ARHGAP30: variants seen among roughly 807,000 people sequenced by gnomAD.
ARHGAP30 encodes rho GTPase-activating protein 30.
Under a neutral mutation model 72.0 loss-of-function variants are expected in ARHGAP30, and 23 were observed. The observed-to-expected ratio is 0.32, with a 90% CI of 0.23 to 0.45. The LOEUF is 0.45. Ranked by LOEUF, ARHGAP30 falls within the 20% of genes least tolerant of loss-of-function variation. ARHGAP30 has a pLI of 1.00. For synonymous variants in ARHGAP30, 576 were observed against 528.2 expected (o/e 1.09, Z -1.24); for missense variants, 1,319 against 1,383.4 (o/e 0.95, Z 0.74).
intron 3 of ARHGAP30, 21 bp downstream of exon 3, chr1:161,056,367 C>T (rs778934434): frequency 2.4e-5 from 38 of 1,611,480 alleles, no homozygotes; most frequent in Non-Finnish European, 3.1e-5. Context: ...CTGTCTTCCA[C>T]CCCTCGGCCT....
chr1:161,052,038 ACCACCACCACC>A (rs1557921056), intron 9 of ARHGAP30, among the ~76,000 whole-genome samples: 3 of 50,324 alleles, frequency 6.0e-5, no homozygotes, highest in African/African-American at 2.2e-4. Context: ...CACCACCACC[ACCACCACCACC>A]ACCACCACCA....
chr1:161,054,335 A>T (rs1651670434), intron 5 of ARHGAP30, 31 bp downstream of exon 5: 6 of 1,592,632 alleles, frequency 3.8e-6, no homozygotes, highest in Non-Finnish European at 5.2e-6. Context: ...GTCTCACAGG[A>T]TCCCCATACA....
Position 161,048,556 on chromosome 1 carries a change from C to T in ARHGAP30, c.2465G>A (p.Ser822Asn). ...KDQGDGEDSR[S>N]PEAATEGGAG... ...TCCTCCTTCAGTTGCTGCTTCTGGG[C>T]TTCTGCTGTCTTCACCATCTCCTTG... The change falls in exon 12 of 12, where the codon AGC becomes AAC. Residue 822 changes from serine (S) to asparagine (N), a missense_variant. Physicochemically the swap from Ser to Asn is conservative, Grantham distance 46. Around this residue, in one of 2 missense-constraint regions of ARHGAP30, gnomAD observed 1,097 missense variants for 1,045.2 expected, o/e 1.05. Transcript: ENST00000368013. 6.2e-7 allele frequency: 1 copy of T among 1,614,108 alleles called. No homozygotes were observed. The highest frequency in any genetic ancestry group is 8.5e-7 in the Non-Finnish European group (1 of 1,180,016).
intron 5 of ARHGAP30, among the ~76,000 whole-genome samples, chr1:161,054,130 T>G (rs542228197): frequency 4.6e-5 from 7 of 152,158 alleles, no homozygotes; most frequent in African/African-American, 1.7e-4. Context: ...AGTGACACAC[T>G]GTAGGAAAAC....
rs775003336 is a variant in ARHGAP30 at position 161,069,553 on chromosome 1, C to A, written c.72G>T (p.Glu24Asp). 1.2e-6 allele frequency: 2 copies of A among 1,611,194 alleles called. No homozygotes were observed. Among genetic ancestry groups the A allele is most frequent in the South Asian group, 1.1e-5 (1 of 91,090 alleles). The change falls in exon 1 of 12, where the codon GAG becomes GAT. Residue 24 changes from glutamate (E) to aspartate (D), a missense_variant. Physicochemically the swap from Glu to Asp is conservative, Grantham distance 45 (BLOSUM62 2). This residue lies in a region of ARHGAP30 where 222 missense variants were observed against 338.2 expected (regional missense o/e 0.66). Transcript: ENST00000368013. The surrounding 1 kb of genome is among the most constrained non-coding windows in gnomAD (Gnocchi z 4.9). The stretch of plus-strand genomic sequence containing the variant: ...CCTCCTGGCCTGAGTGCTGCAGGTG[C>A]TCCTGCAAGTCGCACCCAAAAACCC... ...KERVFGCDLQ[E>D]HLQHSGQEVP...
chr1:161,057,737 G>A (rs986131828), intron 2 of ARHGAP30, among the ~76,000 whole-genome samples: 4 of 152,086 alleles, frequency 2.6e-5, no homozygotes, highest in African/African-American at 7.2e-5. Flanking sequence ...AAGGTAGGCC[G>A]GGCGCAGTGG....
At chr1:161,055,955 A>T (rs6427574) in intron 3 of ARHGAP30, among the ~76,000 whole-genome samples, 15,949 of 130,950 alleles carry the variant, frequency 0.12, 2,055 homozygotes, top group African/African-American at 0.32. Flanking sequence ...ATAAAATAAA[A>T]TACCAAAGAT....
chr1:161,053,195 G>T, intron 6 of ARHGAP30, 63 bp downstream of exon 6: 2 of 1,597,936 alleles, frequency 1.3e-6, no homozygotes, highest in Non-Finnish European at 1.7e-6. Context: ...GATCTTCAAG[G>T]CTCTCTGTAA....
chr1:161,053,496 C>CTCTCTG, intron 5 of ARHGAP30, 111 bp from the exon 6 acceptor site: 1 of 927,758 alleles, frequency 1.1e-6, no homozygotes, highest in East Asian at 6.7e-5. Context: ...CTCTCTCTCT[C>CTCTCTG]TCTCTCTCTC....
At chr1:161,067,303 T>G (rs545206999) in intron 1 of ARHGAP30, among the ~76,000 whole-genome samples, 2 of 152,256 alleles carry the variant, frequency 1.3e-5, no homozygotes, top group East Asian at 1.9e-4. Flanking sequence ...CCAGGTGCGG[T>G]GGCTCACGCC....
chr1:161,064,833 GAAAGAAAGA>G (rs1652627183), intron 1 of ARHGAP30, among the ~76,000 whole-genome samples: 1 of 66,916 alleles, frequency 1.5e-5, no homozygotes, highest in East Asian at 3.6e-4. Context: ...GAAAGAAAGA[GAAAGAAAGA>G]AAGAAAGGAA....
Position 161,049,662 on chromosome 1 carries a change from G to A in ARHGAP30, c.1448C>T (p.Ser483Leu), listed in dbSNP as rs748882098. The change falls in exon 11 of 12, where the codon TCA (serine) becomes TTA (leucine). Residue 483 changes from serine to leucine, a missense_variant. Ser to Leu is a moderately radical substitution (Grantham distance 145). This residue lies in a region of ARHGAP30 where 1,097 missense variants were observed against 1,045.2 expected (regional missense o/e 1.05). Transcript: ENST00000368013. ...PDEKLEASPA[S>L]SPLADSGPDD... is the part of the protein sequence containing the mutation. ...TGGGCCTGAGTCTGCCAGGGGACTT[G>A]AGGCTGGACTTGCTTCCAACTTTTC... is the stretch of plus-strand genomic sequence containing the variant. The A allele has an allele frequency of 6.2e-7, 1 of 1,613,794 alleles. No individual in the cohort carries two copies. Among genetic ancestry groups the A allele is most frequent in the East Asian group, 2.2e-5 (1 of 44,882 alleles).
intron 9 of ARHGAP30, 130 bp downstream of exon 9, chr1:161,052,156 G>A: frequency 1.1e-6 from 1 of 938,154 alleles, no homozygotes. Context: ...TTACAATGTG[G>A]CTGGTATATA....
intron 5 of ARHGAP30, among the ~76,000 whole-genome samples, chr1:161,054,107 A>T (rs373189250): frequency 6.6e-6 from 1 of 152,208 alleles, no homozygotes; most frequent in Non-Finnish European, 1.5e-5. Context: ...GTTATGTTCC[A>T]GTCCCTGAGC....
At chr1:161,056,066 A>G (rs1013538402) in intron 3 of ARHGAP30, among the ~76,000 whole-genome samples, 4 of 150,672 alleles carry the variant, frequency 2.7e-5, no homozygotes, top group South Asian at 4.2e-4. Flanking sequence ...TCTGGTCTAC[A>G]TGCTTTCCAA....
intron 1 of ARHGAP30, chr1:161,060,283 G>T: frequency 2.6e-6 from 1 of 391,686 alleles, no homozygotes; most frequent in Non-Finnish European, 5.0e-6. Flanking sequence ...AAAAAAAAAA[G>T]AAAGAGAAAG....
chr1:161,060,116 A>G (rs1571107912), intron 1 of ARHGAP30: 1 of 381,236 alleles, frequency 2.6e-6, no homozygotes, highest in Non-Finnish European at 5.3e-6. Flanking sequence ...CTCTGTCTCT[A>G]CAAAAAATAC....
chr1:161,064,492 CTCATGCCTGTAA>C (rs1194180775), intron 1 of ARHGAP30, among the ~76,000 whole-genome samples: 1 of 152,144 alleles, frequency 6.6e-6, no homozygotes, highest in African/African-American at 2.4e-5. Flanking sequence ...GGCATGGCAG[CTCATGCCTGTAA>C]TCCCAACAGT....
At chr1:161,063,739 C>A (rs1448320180) in intron 1 of ARHGAP30, among the ~76,000 whole-genome samples, 1 of 152,222 alleles carries the variant, frequency 6.6e-6, no homozygotes, top group Non-Finnish European at 1.5e-5. Context: ...TCGCTGAATT[C>A]TTTTTCTCAG....
Sources: allele counts gnomAD v4.1 joint callset (sites outside exome capture counted in the v4.1 genomes callset), GRCh38; gene constraint gnomAD v4.1.1; regional missense constraint gnomAD v4.1.1; non-coding constraint Gnocchi (gnomAD v3.1); transcripts MANE v1.5; gene names NCBI Gene and HGNC (gene_info 2026-07-23, HGNC 2026-07-21).